KY: variants seen among roughly 807,000 people sequenced by gnomAD.
KY encodes kyphoscoliosis peptidase.
Under a neutral mutation model 76.1 loss-of-function variants are expected in KY, and 43 were observed. That is an observed-to-expected ratio of 0.57 (90% confidence interval 0.44 to 0.73). KY has a LOEUF of 0.73. KY is among the 30% of genes least tolerant of loss of function. KY has a pLI of 0.00. For synonymous variants in KY, 277 were observed against 326.2 expected (o/e 0.85, Z 1.63); for missense variants, 722 against 828.9 (o/e 0.87, Z 1.58).
At chr3:134,606,043 C>T (rs1208453161) in intron 10 of KY, among the ~76,000 whole-genome samples, 1 of 152,210 alleles carries the variant, frequency 6.6e-6, no homozygotes, top group Non-Finnish European at 1.5e-5. Flanking sequence ...TGACCAAGAT[C>T]AATAGAGTTG....
At chr3:134,631,452 A>G (rs1263995598) in intron 3 of KY, among the ~76,000 whole-genome samples, 2 of 152,192 alleles carry the variant, frequency 1.3e-5, no homozygotes, top group African/African-American at 2.4e-5. Flanking sequence ...GAGAAATGGT[A>G]AATATCTAGA....
rs1325384715 is a variant in KY at position 134,600,359 on chromosome 3, A to G, written c.*3220T>C. On this transcript the variant is annotated 3_prime_UTR_variant, in exon 11 of 11. Coordinates refer to ENST00000423778, the MANE Select transcript of KY (RefSeq NM_178554.6). Reference sequence around the variant, plus strand: ...GGCAACTTGTCCCTCCTGCTTAACAACAGGAAATAGTTCTTTATGTCTAGC... The same window carrying G: ...GGCAACTTGTCCCTCCTGCTTAACAGCAGGAAATAGTTCTTTATGTCTAGC... Among the ~76,000 whole-genome samples the G allele has an allele frequency of 6.6e-6, 1 of 152,234 alleles. No homozygotes were observed. The highest frequency in any genetic ancestry group is 1.5e-5 in the Non-Finnish European group (1 of 68,040).
chr3:134,631,503 A>G (rs79090743), intron 3 of KY, among the ~76,000 whole-genome samples: 265 of 151,464 alleles, frequency 1.7e-3, no homozygotes, highest in African/African-American at 5.9e-3. Flanking sequence ...TCTTGATAAT[A>G]TGAATAATAA....
At chr3:134,633,713 C>G (rs975910646) in intron 3 of KY, among the ~76,000 whole-genome samples, 2 of 152,094 alleles carry the variant, frequency 1.3e-5, no homozygotes, top group African/African-American at 4.8e-5. Flanking sequence ...GATATCCACT[C>G]TCACTGATCC....
At chr3:134,639,788 A>G (rs1000270016) in intron 3 of KY, 3 of 149,728 alleles carry the variant, frequency 2.0e-5, no homozygotes, top group Middle Eastern at 6.8e-3. Context: ...TCTACAAAAA[A>G]CGAAAAAAAA....
chr3:134,615,464 TTTTTA>T (rs999235120), intron 8 of KY: 14 of 151,860 alleles, frequency 9.2e-5, no homozygotes, highest in African/African-American at 3.1e-4. Context: ...TTCTTTTTTC[TTTTTA>T]TTTTATTTTA....
In KY at chr3:134,625,065, G is replaced by C. The variant is rs1456999857; in HGVS notation, c.471C>G (p.Ile157Met). 1 of 1,598,668 alleles carries C rather than the reference G, an allele frequency of 6.3e-7. No individual in the cohort carries two copies. Among genetic ancestry groups the C allele is most frequent in the African/African-American group, 1.3e-5 (1 of 74,754 alleles). ...LDLQQFEKLD[I>M]YASQVTAKSG... ...CCAGCTGTCCTACCTGTGAGGCGTA[G>C]ATATCCAATTTCTCAAACTGCTGCA... Residue 157 changes from isoleucine (I) to methionine (M), a missense_variant, in exon 6 of 11, where the codon ATC becomes ATG. Ile to Met is a conservative substitution (Grantham distance 10). Transcript: ENST00000423778.
intron 4 of KY, chr3:134,628,121 A>C (rs1963713438): frequency 2.5e-6 from 1 of 395,938 alleles, no homozygotes; most frequent in Non-Finnish European, 4.6e-6. Context: ...GTCCTCCTGG[A>C]ACCTGGTGTT....
intron 3 of KY, among the ~76,000 whole-genome samples, chr3:134,630,623 T>C (rs1227787779): frequency 6.6e-6 from 1 of 152,174 alleles, no homozygotes; most frequent in East Asian, 1.9e-4. Flanking sequence ...CTAAACATCA[T>C]ACCACAGTCT....
At chr3:134,610,173 C>A (rs1370644270) in intron 9 of KY, 22 bp downstream of exon 9, 1 of 1,601,546 alleles carries the variant, frequency 6.2e-7, no homozygotes, top group Non-Finnish European at 8.5e-7. Context: ...AGACGCCCAG[C>A]AGAACTGAGA....
At chr3:134,627,202 C>T (rs1226097908) in intron 5 of KY, among the ~76,000 whole-genome samples, 1 of 152,144 alleles carries the variant, frequency 6.6e-6, no homozygotes, top group East Asian at 1.9e-4. Context: ...TACATAAATA[C>T]ATTTAAAACA....
In KY at chr3:134,600,660, A is replaced by T. The variant is rs1220533602; in HGVS notation, c.*2919T>A. ...CTGCCATCCTGAGAATTGCAAGCAG[A>T]TACTTTCTGAGTTTGATCGGTTCCA... is the stretch of plus-strand genomic sequence containing the variant. On this transcript the variant is annotated 3_prime_UTR_variant, in exon 11 of 11. Coordinates refer to ENST00000423778, the MANE Select transcript of KY (RefSeq NM_178554.6). 1.3e-5 allele frequency among the ~76,000 whole-genome samples: 2 copies of T among 152,166 alleles called. No individual in the cohort carries two copies. The highest frequency in any genetic ancestry group is 3.9e-4 in the East Asian group (2 of 5,178).
rs1332238195 is a variant in KY, at chr3:134,616,587, T to C, written c.710+2561A>G. Among the ~76,000 whole-genome samples the C allele has an allele frequency of 2.0e-5, 3 of 152,096 alleles. No individual in the cohort carries two copies. In the East Asian group the frequency reaches 5.8e-4, roughly 29 times the overall value. Reference sequence around the variant, plus strand: ...AGCTATTGCTACACATCTCAGGCAGTGTGAGGAATTTTGCACATGGTAATC... The same window carrying C: ...AGCTATTGCTACACATCTCAGGCAGCGTGAGGAATTTTGCACATGGTAATC... On this transcript the variant is annotated intron_variant, in intron 8 of 10. Coordinates refer to ENST00000423778, the MANE Select transcript of KY (RefSeq NM_178554.6).
chr3:134,643,402 C>A, intron 2 of KY, 24 bp from the exon 3 acceptor site: 1 of 1,604,968 alleles, frequency 6.2e-7, no homozygotes, highest in Admixed American at 1.7e-5. Flanking sequence ...ACAGAGAGGC[C>A]TGCAGTGACC....
chr3:134,607,810 C>T, intron 10 of KY: 1 of 988,278 alleles, frequency 1.0e-6, no homozygotes, highest in Non-Finnish European at 1.2e-6. Context: ...CTATACTGCC[C>T]CAGGGGAGTG....
At chr3:134,617,151 T>C (rs13064209) in intron 8 of KY, among the ~76,000 whole-genome samples, 54,556 of 152,094 alleles carry the variant, frequency 0.36, 10,211 homozygotes, top group African/African-American at 0.41. Context: ...TGGCATTCCT[T>C]CTACAGTATG....
intron 1 of KY, among the ~76,000 whole-genome samples, chr3:134,649,828 C>T (rs1966842667): frequency 6.6e-6 from 1 of 152,238 alleles, no homozygotes; most frequent in Non-Finnish European, 1.5e-5. Flanking sequence ...TCAATGAGCA[C>T]AGAGGCTCTG....
At chr3:134,611,532 T>G (rs9848254) in intron 8 of KY, among the ~76,000 whole-genome samples, 95,465 of 152,162 alleles carry the variant, frequency 0.63, 30,420 homozygotes, top group East Asian at 0.87. Context: ...TAGAAAAGGT[T>G]CCCCTTCCTC....
chr3:134,644,653 G>T (rs543222041), intron 2 of KY, among the ~76,000 whole-genome samples: 2 of 152,366 alleles, frequency 1.3e-5, no homozygotes, highest in African/African-American at 4.8e-5. Flanking sequence ...TGCCTCTGGG[G>T]CATTGGCCTG....
Sources: gnomAD v4.1 joint callset for allele counts (sites outside exome capture counted in the v4.1 genomes callset) on GRCh38, gnomAD v4.1.1 for gene constraint, MANE v1.5 for transcripts, NCBI Gene and HGNC (gene_info 2026-07-23, HGNC 2026-07-21) for gene names.